CBR4: variants seen among roughly 807,000 people sequenced by gnomAD.
CBR4 encodes 3-oxoacyl-[acyl-carrier-protein] reductase.
A neutral mutation model predicts 21.0 loss-of-function variants in CBR4; 22 were observed. The observed-to-expected ratio is 1.05, with a 90% CI of 0.75 to 1.50. The LOEUF (loss-of-function observed/expected upper bound fraction) is 1.50, where lower values mean the gene tolerates loss of function less well. Among genes scored for constraint, CBR4 ranks in the 40% most tolerant of loss-of-function variants. CBR4 has a pLI of 0.00. For missense variants in CBR4, 302 were observed against 286.3 expected (o/e 1.05, Z -0.40); for synonymous variants, 100 against 104.4 (o/e 0.96, Z 0.26).
At chr4:168,967,495 T>TA (rs2126745796) in intron 2 of CBR4, among the ~76,000 whole-genome samples, 1 of 152,106 alleles carries the variant, frequency 6.6e-6, no homozygotes, top group Non-Finnish European at 1.5e-5. Context: ...CCCTAGAACT[T>TA]AAAGTATAAT....
At chr4:168,900,627 T>G (rs1050667487) in intron 2 of CBR4, among the ~76,000 whole-genome samples, 1 of 152,194 alleles carries the variant, frequency 6.6e-6, no homozygotes, top group African/African-American at 2.4e-5. Flanking sequence ...ATCATGTTCT[T>G]TTCTTAAAAC....
intron 2 of CBR4, among the ~76,000 whole-genome samples, chr4:168,930,046 G>C (rs1445852648): frequency 2.6e-5 from 4 of 152,062 alleles, no homozygotes; most frequent in African/African-American, 7.2e-5. Context: ...ACCTGGGACT[G>C]TCCTAGTAAA....
At chr4:168,948,630 C>T (rs1280777702) in intron 2 of CBR4, among the ~76,000 whole-genome samples, 1 of 152,136 alleles carries the variant, frequency 6.6e-6, no homozygotes, top group Non-Finnish European at 1.5e-5. Context: ...GGTATCCCTT[C>T]CCCACTTTGT....
chr4:168,926,307 C>T lies in CBR4; in HGVS notation n.170-31542G>A. On this transcript the variant is annotated intron_variant and non_coding_transcript_variant, in intron 2 of 3. Coordinates refer to the CBR4 transcript ENST00000509108. ...CACTTTCGGACCAGGGACTAGACAT[C>T]AAAGCAGCGTTCCAACCTGAGGCCA... The T allele has an allele frequency of 1.3e-6, 2 of 1,537,342 alleles. No individual in the cohort carries two copies. Among genetic ancestry groups the T allele is most frequent in the Non-Finnish European group, 1.7e-6 (2 of 1,146,868 alleles).
At chr4:168,907,121 GATA>G (rs149118003) in intron 2 of CBR4, among the ~76,000 whole-genome samples, 40 of 150,930 alleles carry the variant, frequency 2.7e-4, no homozygotes, top group South Asian at 2.5e-3. Flanking sequence ...AAATGAGGAT[GATA>G]ATAATAATAA....
chr4:168,949,936 T>C (rs1485314620), intron 2 of CBR4, among the ~76,000 whole-genome samples: 1 of 152,210 alleles, frequency 6.6e-6, no homozygotes, highest in East Asian at 1.9e-4. Context: ...TAATCTTTTG[T>C]ATTTCCGTGT....
intron 1 of CBR4, among the ~76,000 whole-genome samples, chr4:169,008,628 C>A (rs1198310759): frequency 6.6e-6 from 1 of 152,144 alleles, no homozygotes; most frequent in Admixed American, 6.5e-5. Context: ...AATGCAGGGC[C>A]CAAAAGCATC....
Position 168,978,280 on chromosome 4 carries a change from G to A in CBR4, n.169+23791C>T, listed in dbSNP as rs1764431242. On this transcript the variant is annotated intron_variant and non_coding_transcript_variant, in intron 2 of 3. Coordinates refer to the CBR4 transcript ENST00000509108. Reference sequence around the variant, plus strand: ...CTGTGTCTGTGTGATCACTTCCTTGGAGTCAACTAACTGCAGATCAAAAAT... The same window carrying A: ...CTGTGTCTGTGTGATCACTTCCTTGAAGTCAACTAACTGCAGATCAAAAAT... Among the ~76,000 whole-genome samples, 3 of 152,242 alleles carry A rather than the reference G, an allele frequency of 2.0e-5. No homozygotes were observed. In the South Asian group the frequency reaches 6.2e-4, roughly 32 times the overall value.
At chr4:168,939,967 A>G (rs1763217432) in intron 2 of CBR4, among the ~76,000 whole-genome samples, 1 of 152,160 alleles carries the variant, frequency 6.6e-6, no homozygotes, top group Non-Finnish European at 1.5e-5. Context: ...CCAAAAAAAG[A>G]GCCCGCATAG....
intron 1 of CBR4, 100 bp downstream of exon 1, chr4:169,009,848 T>C (rs2126886527): frequency 3.5e-6 from 4 of 1,158,880 alleles, no homozygotes; most frequent in East Asian, 5.2e-5. Context: ...CGAGTAACCC[T>C]AGAGCCCTAA....
At chr4:168,944,105 T>C (rs1763335339) in intron 2 of CBR4, among the ~76,000 whole-genome samples, 1 of 152,148 alleles carries the variant, frequency 6.6e-6, no homozygotes, top group African/African-American at 2.4e-5. Flanking sequence ...TTAATTATTT[T>C]AGCAAACACT....
chr4:168,970,431 G>C (rs1764170383), intron 2 of CBR4, among the ~76,000 whole-genome samples: 1 of 151,736 alleles, frequency 6.6e-6, no homozygotes, highest in Non-Finnish European at 1.5e-5. Context: ...CCTGATTTTT[G>C]TTTTATGTCC....
chr4:168,957,556 C>T (rs1432817168), intron 2 of CBR4, among the ~76,000 whole-genome samples: 1 of 152,178 alleles, frequency 6.6e-6, no homozygotes, highest in African/African-American at 2.4e-5. Context: ...GAAACTGCTA[C>T]CAGAATCAAG....
chr4:168,973,544 T>C (rs1403243623), intron 2 of CBR4, among the ~76,000 whole-genome samples: 2 of 152,194 alleles, frequency 1.3e-5, no homozygotes, highest in Non-Finnish European at 2.9e-5. Context: ...GTCAGGTTGG[T>C]CTCAAACTCC....
intron 2 of CBR4, among the ~76,000 whole-genome samples, chr4:168,939,229 C>T (rs944019792): frequency 1.3e-5 from 2 of 152,108 alleles, no homozygotes; most frequent in Non-Finnish European, 2.9e-5. Context: ...CAGAAAAGGC[C>T]TCTGACAAAA....
intron 2 of CBR4, among the ~76,000 whole-genome samples, chr4:168,907,471 GTGCCACAAC>G (rs1337613598): frequency 6.6e-6 from 1 of 152,146 alleles, no homozygotes; most frequent in African/African-American, 2.4e-5. Context: ...AGATGTGGCT[GTGCCACAAC>G]TGCCACAGCT....
downstream of CBR4, among the ~76,000 whole-genome samples, chr4:168,982,764 A>T (rs1374385026): frequency 6.6e-6 from 1 of 152,164 alleles, no homozygotes; most frequent in Non-Finnish European, 1.5e-5. Flanking sequence ...TACTGACAAG[A>T]TCTCTCAAAA....
At chr4:168,900,467 A>G (rs747470905) in intron 2 of CBR4, among the ~76,000 whole-genome samples, 3 of 152,264 alleles carry the variant, frequency 2.0e-5, no homozygotes, top group East Asian at 3.8e-4. Flanking sequence ...TAAAATAAGC[A>G]TAGAGCAATG....
At chr4:168,927,540 A>G (rs1292408649) in intron 2 of CBR4, 3 of 230,952 alleles carry the variant, frequency 1.3e-5, no homozygotes, top group African/African-American at 4.4e-5. Flanking sequence ...CATCTAGTCT[A>G]CTTGAAGGAA....
Sources: gnomAD v4.1 joint callset for allele counts (sites outside exome capture counted in the v4.1 genomes callset) on GRCh38, gnomAD v4.1.1 for gene constraint, MANE v1.5 for transcripts, NCBI Gene and HGNC (gene_info 2026-07-23, HGNC 2026-07-21) for gene names.